The following NRXN1 variants were observed in gnomAD, a reference collection of about 807,000 sequenced individuals.
NRXN1 encodes neurexin-1.
Under a neutral mutation model 150.9 loss-of-function variants are expected in NRXN1, and 39 were observed. That is an observed-to-expected ratio of 0.26 (90% CI 0.20 to 0.34). The LOEUF is 0.34. Among genes scored for constraint, NRXN1 ranks in the 10% least tolerant of loss-of-function variants. The probability of loss-of-function intolerance (pLI) is 1.00; values close to 1 mark genes in which losing one functional copy is unlikely to be tolerated. For missense variants in NRXN1, 1,815 were observed against 1,949.9 expected (o/e 0.93, Z 1.30); for synonymous variants, 924 against 757.0 (o/e 1.22, Z -3.62).
intron 17 of NRXN1, among the ~76,000 whole-genome samples, chr2:50,366,683 C>T (rs1254334127): frequency 6.6e-6 from 1 of 151,832 alleles, no homozygotes; most frequent in Non-Finnish European, 1.5e-5. Flanking sequence ...AGACTGTCTC[C>T]CCCACCCCAC....
intron 21 of NRXN1, among the ~76,000 whole-genome samples, chr2:49,968,610 T>C (rs1048746850): frequency 6.6e-6 from 1 of 152,064 alleles, no homozygotes; most frequent in Non-Finnish European, 1.5e-5. Context: ...TGATTTGACC[T>C]GATTTTGTGT....
At chr2:50,015,515 C>T (rs1246703790) in intron 21 of NRXN1, among the ~76,000 whole-genome samples, 1 of 59,268 alleles carries the variant, frequency 1.7e-5, no homozygotes, top group Non-Finnish European at 3.0e-5. Context: ...GGGATTTCTG[C>T]CAAAAAAAAA....
intron 6 of NRXN1, 95 bp from the exon 7 acceptor site, chr2:50,621,344 AT>A: frequency 5.3e-6 from 5 of 935,250 alleles, no homozygotes; most frequent in South Asian, 1.6e-5. Flanking sequence ...ATGTTAGTAC[AT>A]TTTTTGATTC....
intron 5 of NRXN1, among the ~76,000 whole-genome samples, chr2:50,745,925 AG>A (rs769899165): frequency 1.3e-5 from 2 of 152,090 alleles, no homozygotes; most frequent in Non-Finnish European, 2.9e-5. Flanking sequence ...AAACCATATC[AG>A]GTGGAAATTT....
At chr2:50,390,981 C>T (rs1383662829) in intron 17 of NRXN1, among the ~76,000 whole-genome samples, 1 of 151,914 alleles carries the variant, frequency 6.6e-6, no homozygotes. Context: ...AGAATAAACC[C>T]CTGAAGCACA....
chr2:50,756,224 T>A (rs562846086), intron 5 of NRXN1, among the ~76,000 whole-genome samples: 2 of 151,698 alleles, frequency 1.3e-5, no homozygotes, highest in Non-Finnish European at 2.9e-5. Context: ...TCACCTGTCA[T>A]GAGACTGTCA....
chr2:50,167,022 T>G (rs1362616387), intron 18 of NRXN1, among the ~76,000 whole-genome samples: 1 of 152,174 alleles, frequency 6.6e-6, no homozygotes, highest in Non-Finnish European at 1.5e-5. Flanking sequence ...GTAGATTACA[T>G]ACAATGAAAT....
rs573593066 is a variant in NRXN1, at chr2:50,066,045, G to T, written c.3719-11001C>A. 6.0e-4 allele frequency among the ~76,000 whole-genome samples: 92 copies of T among 152,224 alleles called. 3 individuals carry two copies. Among genetic ancestry groups the T allele is most frequent in the Admixed American group, 5.3e-3 (81 of 15,292 alleles). ...ATGCCACCTGTCAACAACTCAAGGC[G>T]TATATTTACAACTGCGGTTCCTACA... On this transcript the variant is annotated intron_variant, in intron 19 of 22. Coordinates refer to ENST00000401669, the MANE Select transcript of NRXN1 (RefSeq NM_001330078.2).
At chr2:50,376,481 G>A (rs2080505867) in intron 17 of NRXN1, among the ~76,000 whole-genome samples, 2 of 152,054 alleles carry the variant, frequency 1.3e-5, no homozygotes, top group Non-Finnish European at 2.9e-5. Context: ...CAAACATTGA[G>A]AAATTGTGGG....
rs201314434 is a variant in NRXN1, at chr2:49,920,397, C to G, written c.*1547G>C. The stretch of plus-strand genomic sequence containing the variant: ...TTAGAAAGAAAGTTTTCAATTGCAG[C>G]AGCCAGAGTTAAGGTGTAGATTAAC... On this transcript the variant is annotated 3_prime_UTR_variant, in exon 23 of 23. Transcript: ENST00000401669. The G allele has an allele frequency of 3.9e-5, 6 of 152,530 alleles. No homozygotes were observed. Among genetic ancestry groups the G allele is most frequent in the Admixed American group, 6.6e-5 (1 of 15,254 alleles). 9.4% of individuals were successfully genotyped at this position (152,530 alleles called of 1,614,324 possible).
chr2:50,329,617 GTATATATATATATATATATATATATATA>G (rs1172739306), intron 17 of NRXN1, among the ~76,000 whole-genome samples: 4 of 13,990 alleles, frequency 2.9e-4, no homozygotes, highest in South Asian at 4.2e-3. Context: ...GTGTGTGTGT[GTATATATATATATATATATATATATATA>G]TATATATATA....
At chr2:50,486,009 T>A (rs13423536) in intron 15 of NRXN1, among the ~76,000 whole-genome samples, 1 of 152,194 alleles carries the variant, frequency 6.6e-6, no homozygotes, top group South Asian at 2.1e-4. Context: ...TTTTAATGAA[T>A]GTTATGTTTT....
intron 21 of NRXN1, among the ~76,000 whole-genome samples, chr2:50,016,988 C>T (rs182778072): frequency 1.6e-4 from 25 of 152,246 alleles, no homozygotes; most frequent in Admixed American, 1.1e-3. Flanking sequence ...CCCATCCATC[C>T]TGCCACCTCA....
chr2:50,462,386 A>C (rs2088323636), intron 17 of NRXN1, among the ~76,000 whole-genome samples: 1 of 151,842 alleles, frequency 6.6e-6, no homozygotes, highest in Admixed American at 6.6e-5. Context: ...GATGACATTT[A>C]AACTAGGAAG....
intron 8 of NRXN1, among the ~76,000 whole-genome samples, chr2:50,556,129 C>T (rs1250759500): frequency 6.6e-6 from 1 of 152,214 alleles, no homozygotes; most frequent in Non-Finnish European, 1.5e-5. Context: ...CATTGGTAGG[C>T]TTACGGCTCT....
chr2:50,083,855 G>A (rs1250526027), intron 19 of NRXN1, among the ~76,000 whole-genome samples: 2 of 152,162 alleles, frequency 1.3e-5, no homozygotes, highest in African/African-American at 4.8e-5. Context: ...TAGATACAGA[G>A]TGCTGATTGG....
At position 50,194,408 on chromosome 2, in the gene NRXN1, G is replaced by T. The variant is rs140061336; in HGVS notation, c.3546+42381C>A. Among the ~76,000 whole-genome samples the T allele has an allele frequency of 5.2e-3, 796 of 152,188 alleles. 7 individuals carry two copies. The highest frequency in any genetic ancestry group is 0.018 in the African/African-American group (761 of 41,520). Reference sequence around the variant, plus strand: ...GGCTAAATATTATTTACAAATCCAAGAATACAAATTCATAAATTCTAGCTA... The same window carrying T: ...GGCTAAATATTATTTACAAATCCAATAATACAAATTCATAAATTCTAGCTA... On this transcript the variant is annotated intron_variant, in intron 18 of 22. Coordinates refer to ENST00000401669, the MANE Select transcript of NRXN1 (RefSeq NM_001330078.2).
At chr2:50,232,865 A>C (rs1574637748) in intron 18 of NRXN1, among the ~76,000 whole-genome samples, 1 of 152,100 alleles carries the variant, frequency 6.6e-6, no homozygotes, top group African/African-American at 2.4e-5. Flanking sequence ...CTAAAATTTC[A>C]CCATAGACTT....
In NRXN1 at chr2:50,231,645, A is replaced by T. The variant is rs191182160; in HGVS notation, c.3546+5144T>A. ...TCCCAAGATGAAAGGATTTCAAAAC[A>T]CACTCTTCACTCATCCCCTCCTCCA... On this transcript the variant is annotated intron_variant, in intron 18 of 22. Coordinates refer to ENST00000401669, the MANE Select transcript of NRXN1 (RefSeq NM_001330078.2). Among the ~76,000 whole-genome samples the T allele has an allele frequency of 2.5e-3, 381 of 152,198 alleles. 1 individual carries two copies. Among genetic ancestry groups the T allele is most frequent in the Non-Finnish European group, 4.2e-3 (283 of 68,000 alleles).
Sources: gnomAD v4.1 joint callset for allele counts (sites outside exome capture counted in the v4.1 genomes callset) on GRCh38, gnomAD v4.1.1 for gene constraint, MANE v1.5 for transcripts, NCBI Gene and HGNC (gene_info 2026-07-23, HGNC 2026-07-21) for gene names.